The following EPHA6 variants were observed in gnomAD, a reference collection of about 807,000 sequenced individuals.
EPHA6 encodes ephrin type-A receptor 6.
EPHA6 carries 50 observed loss-of-function variants against 112.0 expected under a neutral mutation model. The ratio of observed to expected loss-of-function variants is 0.45; its 90% confidence interval spans 0.36 to 0.56. EPHA6 has a LOEUF of 0.56. Ranked by LOEUF, EPHA6 falls within the 20% of genes least tolerant of loss-of-function variation. The pLI is 0.00. For synonymous variants in EPHA6, 529 were observed against 490.7 expected (o/e 1.08, Z -1.03); for missense variants, 1,280 against 1,417.4 (o/e 0.90, Z 1.56).
chr3:97,569,493 T>C (rs1447473121), intron 11 of EPHA6, among the ~76,000 whole-genome samples: 4 of 152,134 alleles, frequency 2.6e-5, no homozygotes, highest in Admixed American at 2.6e-4. Flanking sequence ...AAATTACTTA[T>C]TTAGGTGACT....
chr3:97,571,074 G>T (rs1398975672), intron 11 of EPHA6, among the ~76,000 whole-genome samples: 1 of 152,168 alleles, frequency 6.6e-6, no homozygotes, highest in African/African-American at 2.4e-5. Flanking sequence ...CCTAAATTCA[G>T]GAATGGATTC....
intron 10 of EPHA6, among the ~76,000 whole-genome samples, chr3:97,514,321 T>G (rs2092413414): frequency 6.6e-6 from 1 of 152,164 alleles, no homozygotes; most frequent in South Asian, 2.1e-4. Flanking sequence ...CTTACCTCTA[T>G]TTTCCTCCTC....
intron 3 of EPHA6, among the ~76,000 whole-genome samples, chr3:96,997,047 T>C (rs1398432171): frequency 3.3e-5 from 5 of 152,262 alleles, no homozygotes; most frequent in Admixed American, 3.3e-4. Flanking sequence ...TATTGTCTTA[T>C]AGAGATGGCT....
intron 3 of EPHA6, among the ~76,000 whole-genome samples, chr3:97,067,142 A>G (rs2046202734): frequency 6.6e-6 from 1 of 152,104 alleles, no homozygotes; most frequent in African/African-American, 2.4e-5. Context: ...GTAAATTTCC[A>G]AAGTGTTCAT....
rs57565102 is a variant in EPHA6 at position 96,865,694 on chromosome 3, CAAA to C, written c.386-1112_386-1110del. ...AAGACCTGTCTCTTTAAAAAACAAA[CAAA>C]AAAAAAAAAAAAAAAAAAGGAAAAA... On this transcript the variant is annotated intron_variant, in intron 1 of 17. Coordinates refer to ENST00000389672, the MANE Select transcript of EPHA6 (RefSeq NM_001080448.3). Among the ~76,000 whole-genome samples the C allele has an allele frequency of 1.5e-3, 122 of 82,004 alleles. 1 individual carries two copies. Among genetic ancestry groups the C allele is most frequent in the African/African-American group, 4.4e-3 (110 of 25,192 alleles). The allele number at this position is 82,004 out of a possible 152,430, so 53.8% of individuals were successfully genotyped here. A position where few individuals can be genotyped will look rare whatever the true frequency, so the allele number is the denominator to read the frequency against.
intron 5 of EPHA6, among the ~76,000 whole-genome samples, chr3:97,365,582 G>A (rs886296512): frequency 6.6e-6 from 1 of 152,064 alleles, no homozygotes; most frequent in Non-Finnish European, 1.5e-5. Context: ...TAGAGACGGA[G>A]TTTCACCATG....
At chr3:97,126,144 T>C (rs1315446508) in intron 3 of EPHA6, among the ~76,000 whole-genome samples, 2 of 152,218 alleles carry the variant, frequency 1.3e-5, no homozygotes, top group African/African-American at 4.8e-5. Flanking sequence ...TGCTGGGCTC[T>C]TAAACATTTG....
chr3:96,941,463 C>G (rs1006191866), intron 2 of EPHA6, among the ~76,000 whole-genome samples: 3 of 152,198 alleles, frequency 2.0e-5, no homozygotes, highest in African/African-American at 7.2e-5. Context: ...CTCCTTTAAG[C>G]ACTTCTGTGC....
Position 96,981,240 on chromosome 3 carries a change from T to C in EPHA6, c.451-6090T>C, listed in dbSNP as rs970060633. ...ATACGTCCCATCAGTACCTAATTTA[T>C]TGAGAGTTTTTAGCATGAAGGGCTG... On this transcript the variant is annotated intron_variant, in intron 2 of 17. Coordinates refer to ENST00000389672, the MANE Select transcript of EPHA6 (RefSeq NM_001080448.3). Among the ~76,000 whole-genome samples the C allele has an allele frequency of 3.9e-5, 6 of 152,328 alleles. No homozygotes were observed. The East Asian group carries it at 9.6e-4, about 24-fold the overall frequency.
At chr3:97,003,739 A>G (rs556230860) in intron 3 of EPHA6, among the ~76,000 whole-genome samples, 100 of 152,200 alleles carry the variant, frequency 6.6e-4, no homozygotes, top group Non-Finnish European at 1.2e-3. Flanking sequence ...TATTTGTGCC[A>G]TGGTGGTTTG....
intron 3 of EPHA6, among the ~76,000 whole-genome samples, chr3:97,193,517 G>C (rs945429544): frequency 3.9e-5 from 6 of 151,948 alleles, no homozygotes; most frequent in Non-Finnish European, 8.8e-5. Context: ...GAGTTTATCA[G>C]TTCTAATAGT....
intron 5 of EPHA6, among the ~76,000 whole-genome samples, chr3:97,256,893 T>C (rs955775954): frequency 6.6e-6 from 1 of 152,040 alleles, no homozygotes; most frequent in Non-Finnish European, 1.5e-5. Flanking sequence ...AAATGTGGAA[T>C]GCATATTTAA....
intron 2 of EPHA6, among the ~76,000 whole-genome samples, chr3:96,882,611 GTTTGGT>G (rs1430632764): frequency 6.6e-6 from 1 of 152,088 alleles, no homozygotes; most frequent in Admixed American, 6.5e-5. Context: ...AACATACGAT[GTTTGGT>G]TTCCCATTCC....
At chr3:97,281,218 TGTGTGTGTGTGC>T (rs1259957933) in intron 5 of EPHA6, among the ~76,000 whole-genome samples, 6 of 142,700 alleles carry the variant, frequency 4.2e-5, no homozygotes, top group Admixed American at 2.9e-4. Context: ...TGTGTGTGTG[TGTGTGTGTGTGC>T]GCGCGTGTGT....
intron 11 of EPHA6, among the ~76,000 whole-genome samples, chr3:97,574,600 G>T (rs1214771506): frequency 1.3e-5 from 2 of 151,888 alleles, no homozygotes; most frequent in Admixed American, 1.3e-4. Context: ...AATAGAGAAA[G>T]GGCAAAAGGT....
intron 5 of EPHA6, among the ~76,000 whole-genome samples, chr3:97,332,238 G>C (rs1428256790): frequency 1.3e-5 from 2 of 152,050 alleles, no homozygotes; most frequent in African/African-American, 4.8e-5. Flanking sequence ...CAATAAATTA[G>C]GTATTGATGG....
chr3:96,951,406 C>T (rs1292184990), intron 2 of EPHA6, among the ~76,000 whole-genome samples: 1 of 151,966 alleles, frequency 6.6e-6, no homozygotes, highest in African/African-American at 2.4e-5. Flanking sequence ...TTATTGCCTC[C>T]TAACTAAAAA....
At chr3:96,869,385 A>C (rs2036509267) in intron 2 of EPHA6, among the ~76,000 whole-genome samples, 1 of 151,956 alleles carries the variant, frequency 6.6e-6, no homozygotes. Context: ...CAAAAAAAAA[A>C]AAAACGTGAA....
chr3:96,993,382 C>G (rs528103392), intron 3 of EPHA6, among the ~76,000 whole-genome samples: 1 of 151,704 alleles, frequency 6.6e-6, no homozygotes, highest in Non-Finnish European at 1.5e-5. Context: ...CTGCAACTTC[C>G]GCCTCCTGGG....
Sources: allele counts gnomAD v4.1 joint callset (sites outside exome capture counted in the v4.1 genomes callset), GRCh38; gene constraint gnomAD v4.1.1; transcripts MANE v1.5; gene names NCBI Gene and HGNC (gene_info 2026-07-23, HGNC 2026-07-21).